MEIKIN: variants seen among roughly 807,000 people sequenced by gnomAD.
MEIKIN encodes meiosis-specific kinetochore protein.
At position 131,936,155 on chromosome 5, in the gene MEIKIN, T is replaced by C. The variant is rs530148811; in HGVS notation, c.350-2514A>G. On this transcript the variant is annotated intron_variant, in intron 4 of 12. Transcript: ENST00000442687. ...CATCTGGGTAGTTGAGTAGAAAAAATAATAAATGTTAATGCTGTATCAGTG... is the reference window on the plus strand; with the variant it reads ...CATCTGGGTAGTTGAGTAGAAAAAACAATAAATGTTAATGCTGTATCAGTG... Among the ~76,000 whole-genome samples, 4 of 152,214 alleles carry C rather than the reference T, an allele frequency of 2.6e-5. No homozygotes were observed. The South Asian group carries it at 6.2e-4, about 24-fold the overall frequency.
At chr5:131,917,974 T>G (rs1254908552) in intron 6 of MEIKIN, among the ~76,000 whole-genome samples, 1 of 152,102 alleles carries the variant, frequency 6.6e-6, no homozygotes, top group Non-Finnish European at 1.5e-5. Context: ...AGCCTATAAC[T>G]CAATGCTGTG....
intron 11 of MEIKIN, among the ~76,000 whole-genome samples, chr5:131,846,779 C>T (rs951756908): frequency 8.2e-4 from 125 of 152,110 alleles, no homozygotes; most frequent in African/African-American, 2.8e-3. Flanking sequence ...CATGATCATG[C>T]CACTACACTC....
intron 11 of MEIKIN, among the ~76,000 whole-genome samples, chr5:131,828,886 T>C (rs1352885249): frequency 2.6e-5 from 4 of 152,186 alleles, no homozygotes; most frequent in Non-Finnish European, 5.9e-5. Flanking sequence ...CAAAAAGTCA[T>C]AATGCAATTT....
chr5:131,908,464 G>A (rs1284872877), intron 8 of MEIKIN, among the ~76,000 whole-genome samples: 4 of 152,132 alleles, frequency 2.6e-5, no homozygotes, highest in African/African-American at 9.7e-5. Flanking sequence ...CAGACCTACA[G>A]CTAGTATCAT....
At chr5:131,841,860 A>G (rs1033537613) in intron 11 of MEIKIN, among the ~76,000 whole-genome samples, 3 of 152,112 alleles carry the variant, frequency 2.0e-5, no homozygotes, top group African/African-American at 7.2e-5. Flanking sequence ...TTGGAAGCTC[A>G]CTGTTAGTGA....
intron 11 of MEIKIN, among the ~76,000 whole-genome samples, chr5:131,820,274 A>C (rs1280071757): frequency 2.0e-5 from 3 of 151,258 alleles, no homozygotes; most frequent in African/African-American, 7.3e-5. Context: ...GGGTTTCAGC[A>C]TGTTGGCCAG....
intron 9 of MEIKIN, among the ~76,000 whole-genome samples, chr5:131,855,211 C>A (rs1203071835): frequency 6.6e-6 from 1 of 152,026 alleles, no homozygotes; most frequent in Non-Finnish European, 1.5e-5. Flanking sequence ...GCATTTAATT[C>A]TTAGTATATT....
intron 8 of MEIKIN, among the ~76,000 whole-genome samples, chr5:131,881,272 G>C (rs369404282): frequency 6.6e-6 from 1 of 152,132 alleles, no homozygotes; most frequent in Admixed American, 6.5e-5. Context: ...ATCCTCATTT[G>C]ATTTCATAAT....
chr5:131,815,278 A>C (rs1046874288), intron 12 of MEIKIN, among the ~76,000 whole-genome samples: 1 of 152,228 alleles, frequency 6.6e-6, no homozygotes, highest in Non-Finnish European at 1.5e-5. Flanking sequence ...TTGAAGATTC[A>C]GTTATAGCAC....
intron 9 of MEIKIN, among the ~76,000 whole-genome samples, chr5:131,855,724 T>C (rs1406679114): frequency 6.7e-6 from 1 of 150,162 alleles, no homozygotes. Context: ...TGAGCAGAGA[T>C]TGAGAGAGAG....
intron 11 of MEIKIN, among the ~76,000 whole-genome samples, chr5:131,841,846 T>C (rs975269047): frequency 3.9e-5 from 6 of 152,170 alleles, no homozygotes; most frequent in Admixed American, 3.3e-4. Context: ...TCTTAATCCC[T>C]TTTTTGGAAG....
At chr5:131,824,257 G>A (rs1436028839) in intron 11 of MEIKIN, among the ~76,000 whole-genome samples, 1 of 152,016 alleles carries the variant, frequency 6.6e-6, no homozygotes, top group African/African-American at 2.4e-5. Flanking sequence ...GCTCACACTT[G>A]TAATCCCAGC....
intron 5 of MEIKIN, among the ~76,000 whole-genome samples, chr5:131,929,167 A>C (rs190652538): frequency 7.2e-5 from 11 of 152,304 alleles, no homozygotes; most frequent in African/African-American, 2.6e-4. Flanking sequence ...ATCCACTCAT[A>C]GTTTTATGGG....
chr5:131,807,557 C>T (rs1435446948), intron 12 of MEIKIN, among the ~76,000 whole-genome samples: 1 of 152,204 alleles, frequency 6.6e-6, no homozygotes, highest in African/African-American at 2.4e-5. Flanking sequence ...AGCCTTTAAC[C>T]CCAGCCTTGT....
At chr5:131,853,496 A>G (rs970985155) in intron 10 of MEIKIN, among the ~76,000 whole-genome samples, 1 of 152,192 alleles carries the variant, frequency 6.6e-6, no homozygotes, top group Non-Finnish European at 1.5e-5. Flanking sequence ...GTGAGAAAAG[A>G]AAAAGACAAA....
At chr5:131,909,635 G>T (rs1751300988) in intron 8 of MEIKIN, among the ~76,000 whole-genome samples, 1 of 152,088 alleles carries the variant, frequency 6.6e-6, no homozygotes. Context: ...ACAACCCATA[G>T]AATGGGGGGA....
intron 4 of MEIKIN, among the ~76,000 whole-genome samples, chr5:131,937,834 A>G (rs1276144515): frequency 1.3e-5 from 2 of 152,074 alleles, no homozygotes; most frequent in African/African-American, 4.8e-5. Flanking sequence ...GAATTTAAAA[A>G]TTATATAATG....
chr5:131,945,304 G>A (rs2149657538), intron 1 of MEIKIN, 55 bp from the exon 2 acceptor site: 2 of 399,068 alleles, frequency 5.0e-6, no homozygotes, highest in South Asian at 1.3e-4. Context: ...GCTTCGGGGG[G>A]GTCCTGGGCC....
At chr5:131,840,586 A>C (rs1351365133) in intron 11 of MEIKIN, among the ~76,000 whole-genome samples, 2 of 152,002 alleles carry the variant, frequency 1.3e-5, no homozygotes, top group Non-Finnish European at 2.9e-5. Flanking sequence ...TTATTTCAGA[A>C]AGCTGTCTTA....
Sources: gnomAD v4.1 joint callset for allele counts (sites outside exome capture counted in the v4.1 genomes callset) on GRCh38, gnomAD v4.1.1 for gene constraint, MANE v1.5 for transcripts, NCBI Gene and HGNC (gene_info 2026-07-23, HGNC 2026-07-21) for gene names.